The following DCC variants were observed in gnomAD, a reference collection of about 807,000 sequenced individuals.
The protein encoded by DCC is DCC netrin 1 receptor, also known as netrin receptor DCC.
A neutral mutation model predicts 172.5 loss-of-function variants in DCC; 58 were observed. The ratio of observed to expected loss-of-function variants is 0.34; its 90% CI spans 0.27 to 0.42. The LOEUF (loss-of-function observed/expected upper bound fraction) is 0.42, where lower values mean the gene tolerates loss of function less well. DCC is among the 10% of genes least tolerant of loss of function. The pLI, the probability that DCC is intolerant of heterozygous loss-of-function variation, is 1.00. For missense variants in DCC, 1,740 were observed against 1,791.0 expected (o/e 0.97, Z 0.51); for synonymous variants, 709 against 644.5 (o/e 1.10, Z -1.52).
intron 21 of DCC, among the ~76,000 whole-genome samples, chr18:53,419,806 G>C (rs1910531171): frequency 6.7e-6 from 1 of 149,204 alleles, no homozygotes. Context: ...TCCAACCCCA[G>C]AAACCACATT....
At chr18:52,977,749 G>T (rs1598991565) in intron 5 of DCC, among the ~76,000 whole-genome samples, 1 of 151,816 alleles carries the variant, frequency 6.6e-6, no homozygotes, top group East Asian at 1.9e-4. Flanking sequence ...GCCGGACGTG[G>T]TGGCAGGCAC....
At chr18:53,456,943 G>C (rs1245488260) in intron 23 of DCC, among the ~76,000 whole-genome samples, 1 of 152,176 alleles carries the variant, frequency 6.6e-6, no homozygotes, top group Non-Finnish European at 1.5e-5. Flanking sequence ...CTGTGGTAGA[G>C]GTTGGAGGGA....
rs1239222946 is a variant in DCC at position 52,591,203 on chromosome 18, AT to A, written c.92-160847del. On this transcript the variant is annotated intron_variant, in intron 1 of 28. Coordinates refer to ENST00000442544, the MANE Select transcript of DCC (RefSeq NM_005215.4). ...TAGGAAAATTCTTCTGGACTTTGAG[AT>A]TTTCATAATTTTTTAAAATTCTTTT... 1.1e-4 allele frequency among the ~76,000 whole-genome samples: 17 copies of A among 152,258 alleles called. No homozygotes were observed. The South Asian group carries it at 3.5e-3, about 32-fold the overall frequency.
intron 13 of DCC, among the ~76,000 whole-genome samples, chr18:53,316,232 T>A (rs1374076566): frequency 6.6e-6 from 1 of 152,214 alleles, no homozygotes; most frequent in African/African-American, 2.4e-5. Context: ...ATTGCTTGTT[T>A]TTCTCTAGTT....
At chr18:52,988,827 T>C (rs972260804) in intron 5 of DCC, among the ~76,000 whole-genome samples, 1 of 152,126 alleles carries the variant, frequency 6.6e-6, no homozygotes, top group Middle Eastern at 3.2e-3. Flanking sequence ...CTATGCACCA[T>C]CCTTATACAT....
intron 27 of DCC, among the ~76,000 whole-genome samples, chr18:53,513,471 T>A (rs1233431569): frequency 6.6e-6 from 1 of 152,140 alleles, no homozygotes; most frequent in East Asian, 1.9e-4. Flanking sequence ...CAATATTAAC[T>A]TTAAATGTGA....
In DCC at chr18:53,283,332, C is replaced by T. The variant is rs142371011; in HGVS notation, c.1912-22246C>T. On this transcript the variant is annotated intron_variant, in intron 12 of 28. Transcript: ENST00000442544. ...ATAAACAAGTGTATTCTGTTCTATTCCAGGAAAGAAAGAAGGACTCATTTT... is the reference window on the plus strand; with the variant it reads ...ATAAACAAGTGTATTCTGTTCTATTTCAGGAAAGAAAGAAGGACTCATTTT... Among the ~76,000 whole-genome samples, 993 of 152,150 alleles carry T rather than the reference C, an allele frequency of 6.5e-3. 4 individuals are homozygous for T. The highest frequency in any genetic ancestry group is 0.01 in the Middle Eastern group (3 of 294).
intron 1 of DCC, among the ~76,000 whole-genome samples, chr18:52,485,184 G>A (rs1310966559): frequency 2.0e-5 from 3 of 152,066 alleles, no homozygotes; most frequent in African/African-American, 7.2e-5. Flanking sequence ...TGGTGCTGCA[G>A]AGTCTTGGCA....
chr18:52,966,613 A>T (rs2040935133), intron 5 of DCC, among the ~76,000 whole-genome samples: 1 of 152,082 alleles, frequency 6.6e-6, no homozygotes, highest in Admixed American at 6.6e-5. Flanking sequence ...AAAAGCAAGG[A>T]TTCTTGGGGG....
intron 1 of DCC, among the ~76,000 whole-genome samples, chr18:52,662,763 G>A (rs916983758): frequency 6.6e-5 from 10 of 152,202 alleles, no homozygotes; most frequent in Non-Finnish European, 1.2e-4. Context: ...TAACAAAATA[G>A]CATAAACTGA....
intron 2 of DCC, among the ~76,000 whole-genome samples, chr18:52,854,623 C>T (rs2039023817): frequency 6.6e-6 from 1 of 152,204 alleles, no homozygotes; most frequent in Non-Finnish European, 1.5e-5. Context: ...CACATGCACC[C>T]TAGACATGCC....
chr18:52,566,565 C>T (rs927258992), intron 1 of DCC, among the ~76,000 whole-genome samples: 1 of 152,000 alleles, frequency 6.6e-6, no homozygotes, highest in African/African-American at 2.4e-5. Context: ...ACCCAGGTCA[C>T]GTTGCAAACC....
At position 53,069,105 on chromosome 18, in the gene DCC, G is replaced by A. The variant is rs192938262; in HGVS notation, c.1261+2939G>A. Among the ~76,000 whole-genome samples the A allele has an allele frequency of 1.1e-3, 161 of 152,058 alleles. 2 individuals carry two copies. The Middle Eastern group carries it at 0.014, about 13-fold the overall frequency. On this transcript the variant is annotated intron_variant, in intron 7 of 28. Transcript: ENST00000442544. ...TGAAGGGAAGTGTGAGATGATGGAA[G>A]TACAGTAACACCAAAGTTTTCTGAC...
rs556232422 is a variant in DCC at position 53,079,754 on chromosome 18, A to C, written c.1261+13588A>C. Among the ~76,000 whole-genome samples, 8 of 152,274 alleles carry C rather than the reference A, an allele frequency of 5.3e-5. No individual in the cohort carries two copies. In the East Asian group the frequency reaches 1.5e-3, roughly 29 times the overall value. The stretch of plus-strand genomic sequence containing the variant: ...TCTGAGTTGAAATGGACTTTGAAGT[A>C]GGGATGTGGTTTGGCCAAGCTGCCA... On this transcript the variant is annotated intron_variant, in intron 7 of 28. Transcript: ENST00000442544.
At chr18:53,442,267 C>T (rs1251345971) in intron 22 of DCC, among the ~76,000 whole-genome samples, 1 of 152,162 alleles carries the variant, frequency 6.6e-6, no homozygotes, top group Non-Finnish European at 1.5e-5. Flanking sequence ...AGACTATTGG[C>T]AACATTTTTC....
intron 21 of DCC, among the ~76,000 whole-genome samples, chr18:53,418,294 C>A (rs1910437194): frequency 6.6e-6 from 1 of 151,886 alleles, no homozygotes; most frequent in South Asian, 2.1e-4. Flanking sequence ...TTTGCTGCAC[C>A]CTCAAAGCAC....
chr18:53,336,276 A>T (rs1229986331), intron 14 of DCC, among the ~76,000 whole-genome samples: 2 of 152,124 alleles, frequency 1.3e-5, no homozygotes, highest in Admixed American at 1.3e-4. Context: ...TCCACAGCAA[A>T]TTTTCTAAAT....
At chr18:52,998,551 A>ATAAT (rs1568235890) in intron 5 of DCC, among the ~76,000 whole-genome samples, 15 of 152,084 alleles carry the variant, frequency 9.9e-5, no homozygotes, top group Non-Finnish European at 1.6e-4. Context: ...ATCACCTGCC[A>ATAAT]GGACTCCAGT....
intron 5 of DCC, among the ~76,000 whole-genome samples, chr18:52,973,245 T>G (rs2041060139): frequency 6.6e-6 from 1 of 152,186 alleles, no homozygotes; most frequent in Non-Finnish European, 1.5e-5. Flanking sequence ...AGTATTCATG[T>G]TTAATAACTT....
Sources: gnomAD v4.1 joint callset for allele counts (sites outside exome capture counted in the v4.1 genomes callset) on GRCh38, gnomAD v4.1.1 for gene constraint, MANE v1.5 for transcripts, NCBI Gene and HGNC (gene_info 2026-07-23, HGNC 2026-07-21) for gene names.